The following GLRA3 variants were observed in gnomAD, a reference collection of about 807,000 sequenced individuals.
The protein encoded by GLRA3 is glycine receptor subunit alpha-3.
Under a neutral mutation model 60.4 loss-of-function variants are expected in GLRA3, and 44 were observed. The observed-to-expected ratio is 0.73, with a 90% CI of 0.57 to 0.94. GLRA3 has a LOEUF of 0.94. Ranked by LOEUF, GLRA3 falls within the 40% of genes least tolerant of loss-of-function variation. The pLI, the probability that GLRA3 is intolerant of heterozygous loss-of-function variation, is 0.00. For missense variants in GLRA3, 508 were observed against 564.6 expected (o/e 0.90, Z 1.02); for synonymous variants, 223 against 192.9 (o/e 1.16, Z -1.29).
chr4:174,747,146 A>G (rs1471450329), intron 3 of GLRA3, among the ~76,000 whole-genome samples: 1 of 152,190 alleles, frequency 6.6e-6, no homozygotes, highest in Non-Finnish European at 1.5e-5. Context: ...AAGAAGAATT[A>G]TATATCCCTG....
At chr4:174,680,684 TAGA>T (rs1396306157) in intron 6 of GLRA3, among the ~76,000 whole-genome samples, 1 of 152,138 alleles carries the variant, frequency 6.6e-6, no homozygotes, top group African/African-American at 2.4e-5. Context: ...GAGAAATTAT[TAGA>T]AGGAGACAGA....
intron 5 of GLRA3, 30 bp downstream of exon 5, chr4:174,715,458 T>G (rs758367136): frequency 2.0e-6 from 2 of 995,826 alleles, no homozygotes; most frequent in Non-Finnish European, 3.2e-6. Context: ...AATGTAAAAG[T>G]ATTTTAAAAA....
intron 1 of GLRA3, among the ~76,000 whole-genome samples, chr4:174,802,702 G>T (rs1009348622): frequency 1.3e-5 from 2 of 151,970 alleles, no homozygotes; most frequent in Admixed American, 1.3e-4. Context: ...CTGGTGTTTG[G>T]TAATGGTATT....
At position 174,825,818 on chromosome 4, in the gene GLRA3, T is replaced by C. The variant is rs111550457; in HGVS notation, c.71+2923A>G. Among the ~76,000 whole-genome samples, 1,022 of 152,272 alleles carry C rather than the reference T, an allele frequency of 6.7e-3. 27 individuals carry two copies. Among genetic ancestry groups the C allele is most frequent in the Admixed American group, 0.047 (721 of 15,286 alleles). ...TGCTTATTTACTAAAGTATAGATGA[T>C]ACTTTAGTGCTTTTATGTTTTTGAA... On this transcript the variant is annotated intron_variant, in intron 1 of 9. Transcript: ENST00000274093.
intron 3 of GLRA3, among the ~76,000 whole-genome samples, chr4:174,735,236 G>A (rs1736726645): frequency 6.6e-6 from 1 of 151,912 alleles, no homozygotes; most frequent in Admixed American, 6.6e-5. Flanking sequence ...GTGTCAACAA[G>A]CCTGTGGGTA....
At chr4:174,651,410 G>A (rs970271739) in intron 9 of GLRA3, among the ~76,000 whole-genome samples, 7 of 152,000 alleles carry the variant, frequency 4.6e-5, no homozygotes, top group Admixed American at 1.3e-4. Flanking sequence ...TTCTTTTAGG[G>A]TGAGAGAAAA....
chr4:174,739,746 C>G (rs971986182), intron 3 of GLRA3, among the ~76,000 whole-genome samples: 4 of 152,096 alleles, frequency 2.6e-5, no homozygotes, highest in Non-Finnish European at 4.4e-5. Context: ...GAAAAGGCTA[C>G]TTTGTAGCAA....
At position 174,671,195 on chromosome 4, in the gene GLRA3, T is replaced by C. The variant is rs1336320319; in HGVS notation, c.927+5883A>G. ...TGGATCATGTTTGTACTGAACTTGA[T>C]TGAAGTAACATTAGTTAACTACATT... On this transcript the variant is annotated intron_variant, in intron 7 of 9. Coordinates refer to ENST00000274093, the MANE Select transcript of GLRA3 (RefSeq NM_006529.4). Among the ~76,000 whole-genome samples the C allele has an allele frequency of 2.6e-5, 4 of 152,118 alleles. No homozygotes were observed. In the East Asian group the frequency reaches 5.8e-4, roughly 22 times the overall value.
Position 174,639,310 on chromosome 4 carries a change from A to G in GLRA3, c.*4476T>C, listed in dbSNP as rs1732570596. On this transcript the variant is annotated 3_prime_UTR_variant, in exon 10 of 10. Coordinates refer to ENST00000274093, the MANE Select transcript of GLRA3 (RefSeq NM_006529.4). ...ATCACAGGATTATGAACCTTTGTCT[A>G]GAAAAATTGACTGTCTTTGTATTTT... 6.6e-6 allele frequency: 1 copy of G among 151,990 alleles called. No individual in the cohort carries two copies. 9.4% of individuals were successfully genotyped at this position (151,990 alleles called of 1,614,324 possible). A position where few individuals can be genotyped will look rare whatever the true frequency, so the allele number is the denominator to read the frequency against.
chr4:174,733,169 A>G (rs1447673579), intron 3 of GLRA3, among the ~76,000 whole-genome samples: 1 of 152,144 alleles, frequency 6.6e-6, no homozygotes, highest in African/African-American at 2.4e-5. Context: ...AAAGGCCAAG[A>G]AAGAGCCAAA....
At chr4:174,776,640 T>C (rs903652053) in intron 2 of GLRA3, among the ~76,000 whole-genome samples, 1 of 151,944 alleles carries the variant, frequency 6.6e-6, no homozygotes, top group African/African-American at 2.4e-5. Context: ...AATAACCAAT[T>C]TTTTTGGAGT....
chr4:174,689,757 A>T (rs1215774726), intron 5 of GLRA3, among the ~76,000 whole-genome samples: 2 of 32,806 alleles, frequency 6.1e-5, no homozygotes, highest in Non-Finnish European at 1.1e-4. Context: ...AAGTCGCATT[A>T]AAAAAAAAAA....
At chr4:174,722,084 A>G (rs756385925) in intron 4 of GLRA3, among the ~76,000 whole-genome samples, 1 of 152,010 alleles carries the variant, frequency 6.6e-6, no homozygotes, top group Non-Finnish European at 1.5e-5. Flanking sequence ...ATCTATATGT[A>G]TCATCTGTAT....
chr4:174,806,441 T>C (rs957231038), intron 1 of GLRA3, among the ~76,000 whole-genome samples: 1 of 152,114 alleles, frequency 6.6e-6, no homozygotes, highest in Non-Finnish European at 1.5e-5. Context: ...GTATTTCATA[T>C]ACATAAAAGT....
intron 9 of GLRA3, among the ~76,000 whole-genome samples, chr4:174,653,903 T>C (rs925181369): frequency 2.0e-5 from 3 of 152,218 alleles, no homozygotes; most frequent in South Asian, 4.1e-4. Flanking sequence ...AATAGCTGCG[T>C]TTAACATAAA....
At chr4:174,655,982 T>A (rs371969370) in intron 9 of GLRA3, among the ~76,000 whole-genome samples, 8 of 152,232 alleles carry the variant, frequency 5.3e-5, no homozygotes, top group African/African-American at 1.9e-4. Flanking sequence ...CTTATAAATA[T>A]AGTTTACCCC....
At position 174,817,950 on chromosome 4, in the gene GLRA3, G is replaced by T. The variant is rs149571669; in HGVS notation, c.71+10791C>A. Among the ~76,000 whole-genome samples the T allele has an allele frequency of 4.0e-3, 610 of 152,250 alleles. 7 individuals carry two copies. The highest frequency in any genetic ancestry group is 0.014 in the African/African-American group (580 of 41,554). Reference sequence around the variant, plus strand: ...TTAAATATGAAATTATAGCTATAATGCTAAGTATATATTTTCTGCTAAAGA... The same window carrying T: ...TTAAATATGAAATTATAGCTATAATTCTAAGTATATATTTTCTGCTAAAGA... On this transcript the variant is annotated intron_variant, in intron 1 of 9. Transcript: ENST00000274093.
chr4:174,648,054 A>G (rs1732891459), intron 9 of GLRA3, among the ~76,000 whole-genome samples: 1 of 152,186 alleles, frequency 6.6e-6, no homozygotes. Context: ...GTGAAAAGTA[A>G]TGTTTGGTGT....
chr4:174,717,881 G>T (rs760595961), intron 4 of GLRA3, among the ~76,000 whole-genome samples: 3 of 152,176 alleles, frequency 2.0e-5, no homozygotes, highest in Non-Finnish European at 4.4e-5. Flanking sequence ...CTCTCAGACA[G>T]CCAGTTTCAA....
Sources: allele counts gnomAD v4.1 joint callset (sites outside exome capture counted in the v4.1 genomes callset), GRCh38; gene constraint gnomAD v4.1.1; transcripts MANE v1.5; gene names NCBI Gene and HGNC (gene_info 2026-07-23, HGNC 2026-07-21).